Variants in XKR9 observed in about 807,000 individuals in gnomAD.
The protein encoded by XKR9 is XK related 9.
XKR9 carries 32 observed loss-of-function variants against 32.0 expected under a neutral mutation model. The ratio of observed to expected loss-of-function variants is 1.00; its 90% CI spans 0.76 to 1.34. The LOEUF (loss-of-function observed/expected upper bound fraction) is 1.34. Ranked by LOEUF, XKR9 falls within the 40% of genes most tolerant of loss-of-function variation. XKR9 has a pLI of 0.00. For synonymous variants in XKR9, 168 were observed against 143.4 expected, an observed-to-expected ratio of 1.17 and a Z score of -1.22; for missense variants, 546 against 429.7, an observed-to-expected ratio of 1.27 and a Z score of -2.39.
intron 2 of XKR9, among the ~76,000 whole-genome samples, chr8:70,778,298 C>T (rs200830392): frequency 2.6e-5 from 4 of 151,902 alleles, no homozygotes; most frequent in Admixed American, 6.6e-5. Flanking sequence ...TCTGTGCCAT[C>T]GGTCTATATA....
At chr8:70,743,026 T>G (rs1037386067) in intron 2 of XKR9, among the ~76,000 whole-genome samples, 4 of 152,118 alleles carry the variant, frequency 2.6e-5, no homozygotes, top group Admixed American at 6.5e-5. Context: ...CTTTATCTTC[T>G]TGGAGTCCAC....
chr8:70,688,916 C>T (rs558842624), intron 3 of XKR9, among the ~76,000 whole-genome samples: 31 of 152,150 alleles, frequency 2.0e-4, no homozygotes, highest in East Asian at 1.2e-3. Context: ...AAGAAGACAT[C>T]GGAGAATTCC....
the XKR9 span, among the ~76,000 whole-genome samples, chr8:71,018,261 C>T: frequency 6.6e-6 from 1 of 151,996 alleles, no homozygotes; most frequent in African/African-American, 2.4e-5. Context: ...AGCATATAGG[C>T]ATACAGATAA....
intron 3 of XKR9, among the ~76,000 whole-genome samples, chr8:70,686,005 A>G (rs1464016435): frequency 2.6e-5 from 4 of 151,916 alleles, no homozygotes; most frequent in Admixed American, 6.6e-5. Flanking sequence ...CTTTCTTTAT[A>G]TATTTTAATT....
intron 2 of XKR9, among the ~76,000 whole-genome samples, chr8:70,786,424 C>A (rs1015682083): frequency 6.6e-6 from 1 of 151,938 alleles, no homozygotes; most frequent in Non-Finnish European, 1.5e-5. Flanking sequence ...CCCTTCAGAC[C>A]CTTTAATATT....
the XKR9 span, among the ~76,000 whole-genome samples, chr8:70,926,137 C>T: frequency 9.2e-5 from 14 of 152,124 alleles, no homozygotes; most frequent in Admixed American, 7.9e-4. Flanking sequence ...TGCAATGGCG[C>T]GATCTCGGCT....
At chr8:70,829,535 G>A in the XKR9 span, among the ~76,000 whole-genome samples, 7 of 152,234 alleles carry the variant, frequency 4.6e-5, no homozygotes, top group African/African-American at 1.7e-4. Context: ...TGCAAGCTCC[G>A]CCTCCCGGGT....
At position 70,680,981 on chromosome 8, in the gene XKR9, T is replaced by C; in HGVS notation, c.-78T>C. 7.3e-7 allele frequency: 1 copy of C among 1,362,222 alleles called. No individual in the cohort carries two copies. Among genetic ancestry groups the C allele is most frequent in the South Asian group, 1.4e-5 (1 of 72,264 alleles). The allele number at this position is 1,362,222 out of a possible 1,614,324, so 84.4% of individuals were successfully genotyped here. On this transcript the variant is annotated 5_prime_UTR_variant, in exon 3 of 5. Coordinates refer to ENST00000408926, the MANE Select transcript of XKR9 (RefSeq NM_001011720.2). ...AAATTCAATGCTATACCAAAGGGTA[T>C]ACTAATATTTGTTTGGCTTTTTTTC...
the XKR9 span, among the ~76,000 whole-genome samples, chr8:70,939,996 C>T: frequency 1.3e-5 from 2 of 151,812 alleles, no homozygotes; most frequent in Non-Finnish European, 2.9e-5. Flanking sequence ...TTACCCAAAG[C>T]TAGTATGGAT....
chr8:70,861,634 C>G, the XKR9 span, among the ~76,000 whole-genome samples: 2 of 151,884 alleles, frequency 1.3e-5, no homozygotes, highest in Admixed American at 6.6e-5. Context: ...CTGGCCTGGG[C>G]AACAGAGTAA....
chr8:71,010,925 C>T, the XKR9 span, among the ~76,000 whole-genome samples: 1 of 152,106 alleles, frequency 6.6e-6, no homozygotes, highest in East Asian at 1.9e-4. Flanking sequence ...CAGGGGACTG[C>T]TGAAAAAACA....
the XKR9 span, among the ~76,000 whole-genome samples, chr8:71,039,363 G>A: frequency 6.6e-6 from 1 of 152,136 alleles, no homozygotes; most frequent in South Asian, 2.1e-4. Context: ...AACATGCTGA[G>A]AACACTTACA....
the XKR9 span, among the ~76,000 whole-genome samples, chr8:70,866,113 G>T: frequency 6.6e-6 from 1 of 152,160 alleles, no homozygotes; most frequent in East Asian, 1.9e-4. Context: ...AATTTCCTTT[G>T]TGTGGGATGC....
At chr8:70,809,238 A>C in the XKR9 span, among the ~76,000 whole-genome samples, 1 of 152,220 alleles carries the variant, frequency 6.6e-6, no homozygotes, top group African/African-American at 2.4e-5. Flanking sequence ...GAGGGTCCTG[A>C]CTGTTAGAAG....
chr8:71,039,595 TTG>T, the XKR9 span, among the ~76,000 whole-genome samples: 6 of 152,192 alleles, frequency 3.9e-5, no homozygotes, highest in Non-Finnish European at 8.8e-5. Context: ...TATTTATTCT[TTG>T]TAGTGGAAGG....
At chr8:70,795,155 A>G (rs1006795306), downstream of XKR9, among the ~76,000 whole-genome samples, 3 of 151,666 alleles carry the variant, frequency 2.0e-5, no homozygotes, top group Non-Finnish European at 2.9e-5. Flanking sequence ...GATAGGCCCC[A>G]GTGTGTGTTT....
the XKR9 span, among the ~76,000 whole-genome samples, chr8:70,816,952 G>T: frequency 2.0e-5 from 3 of 151,848 alleles, no homozygotes; most frequent in Admixed American, 2.0e-4. Context: ...CAACCAACTG[G>T]GCATTGAAGG....
the XKR9 span, among the ~76,000 whole-genome samples, chr8:70,998,756 G>A: frequency 1.3e-5 from 2 of 152,200 alleles, no homozygotes; most frequent in Non-Finnish European, 2.9e-5. Flanking sequence ...GCAACCCAAT[G>A]CATTCACATA....
At chr8:70,692,978 A>G in intron 3 of XKR9, among the ~76,000 whole-genome samples, 1 of 152,150 alleles carries the variant, frequency 6.6e-6, no homozygotes, top group East Asian at 1.9e-4. Context: ...CCTTTTCCAC[A>G]TCTGTTGAGA....
Sources: gnomAD v4.1 joint callset for allele counts (sites outside exome capture counted in the v4.1 genomes callset) on GRCh38, gnomAD v4.1.1 for gene constraint, MANE v1.5 for transcripts, NCBI Gene and HGNC (gene_info 2026-07-23, HGNC 2026-07-21) for gene names.